SETD2: variants seen among roughly 807,000 people sequenced by gnomAD.
SETD2 encodes the protein SET domain containing 2, histone lysine methyltransferase.
SETD2 carries 31 observed loss-of-function variants against 242.1 expected under a neutral mutation model. That is an observed-to-expected ratio of 0.13 (90% CI 0.10 to 0.17). The LOEUF (loss-of-function observed/expected upper bound fraction) is 0.17. SETD2 is among the 10% of genes least tolerant of loss of function. The pLI, the probability that SETD2 is intolerant of heterozygous loss-of-function variation, is 1.00. For missense variants in SETD2, 2,481 were observed against 3,046.3 expected, an observed-to-expected ratio of 0.81 and a Z score of 4.37; for synonymous variants, 1,006 against 1,066.5, an observed-to-expected ratio of 0.94 and a Z score of 1.11.
In SETD2 at chr3:47,057,241, G is replaced by A. The variant is rs2107576409; in HGVS notation, c.6543C>T (p.Asn2181=). 6.2e-7 allele frequency: 1 copy of A among 1,614,206 alleles called. No homozygotes were observed. Among genetic ancestry groups the A allele is most frequent in the Non-Finnish European group, 8.5e-7 (1 of 1,180,042 alleles). ...YPMQAYVDPS[N]PNAGKVLLPT... Reference sequence around the variant, plus strand: ...GCAGGAGCACCTTTCCAGCATTAGGGTTGCTGGGATCCACATAGGCCTGCA... The same window carrying A: ...GCAGGAGCACCTTTCCAGCATTAGGATTGCTGGGATCCACATAGGCCTGCA... The change falls in exon 15 of 21, where the codon AAC becomes AAT. Residue 2181 remains asparagine (N), a synonymous_variant. Transcript: ENST00000409792.
rs2107589692 is a variant in SETD2 at position 47,062,296 on chromosome 3, G to C, written c.6160C>G (p.Pro2054Ala). The C allele has an allele frequency of 2.5e-6, 4 of 1,613,270 alleles. No homozygotes were observed. The highest frequency in any genetic ancestry group is 3.4e-6 in the Non-Finnish European group (4 of 1,179,778). ...AVGFRDQTPA[P>A]KTPNRSRERD... is the part of the protein sequence containing the mutation. Reference sequence around the variant, plus strand: ...TCTCTTGACCTATTAGGAGTCTTCGGGGCAGGTGTTTGATCTCTGAAGCCA... The same window carrying C: ...TCTCTTGACCTATTAGGAGTCTTCGCGGCAGGTGTTTGATCTCTGAAGCCA... Residue 2054 changes from proline (P) to alanine (A), a missense_variant, in exon 14 of 21, where the codon CCG (proline) becomes GCG (alanine). Physicochemically the swap from Pro to Ala is conservative, Grantham distance 27. Around this residue, in one of 17 missense-constraint regions of SETD2, gnomAD observed 80 missense variants for 102.6 expected, o/e 0.78. Transcript: ENST00000409792.
Position 47,123,401 on chromosome 3 carries a change from C to T in SETD2, c.1235G>A (p.Gly412Asp), listed in dbSNP as rs535540244. ...RSRSHSRSERGSRTNLSYSRS... is the reference protein window; with the variant it reads ...RSRSHSRSERDSRTNLSYSRS... ...GGAATAGGATAAATTAGTTCTAGAG[C>T]CTCTCTCAGACCTAGAGTGAGATCT... The change falls in exon 3 of 21, where the codon GGC (glycine) becomes GAC (aspartate). Residue 412 changes from glycine (G) to aspartate (D), a missense_variant. Physicochemically the swap from Gly to Asp is moderately conservative, Grantham distance 94. Around this residue, in one of 17 missense-constraint regions of SETD2, gnomAD observed 1,300 missense variants for 1,259.2 expected, o/e 1.03. Transcript: ENST00000409792. 1.3e-5 allele frequency: 20 copies of T among 1,551,616 alleles called. No individual in the cohort carries two copies. Among genetic ancestry groups the T allele is most frequent in the Non-Finnish European group, 1.7e-5 (20 of 1,146,978 alleles).
chr3:47,042,129 G>A (rs1005153930), intron 17 of SETD2, among the ~76,000 whole-genome samples: 3 of 152,178 alleles, frequency 2.0e-5, no homozygotes, highest in South Asian at 2.1e-4. Flanking sequence ...AAGGCGGGCA[G>A]GGCAGATCAC....
At chr3:47,109,289 T>C (rs1406319349) in intron 5 of SETD2, among the ~76,000 whole-genome samples, 3 of 152,152 alleles carry the variant, frequency 2.0e-5, no homozygotes, top group Non-Finnish European at 4.4e-5. Context: ...AAAACCTAAG[T>C]GGTGCTTACA....
At chr3:47,035,539 A>G (rs766534206) in intron 18 of SETD2, among the ~76,000 whole-genome samples, 2 of 152,336 alleles carry the variant, frequency 1.3e-5, no homozygotes, top group Non-Finnish European at 2.9e-5. Flanking sequence ...AGGTCTTCAT[A>G]TAAGAAAGGC....
intron 18 of SETD2, among the ~76,000 whole-genome samples, chr3:47,037,209 C>T (rs1261114745): frequency 1.3e-5 from 2 of 150,286 alleles, no homozygotes; most frequent in African/African-American, 4.9e-5. Context: ...ATACATGTGC[C>T]ATGTTGGTGT....
At chr3:47,073,799 G>A (rs1312385232) in intron 12 of SETD2, among the ~76,000 whole-genome samples, 2 of 152,098 alleles carry the variant, frequency 1.3e-5, no homozygotes, top group African/African-American at 4.8e-5. Flanking sequence ...TTCCATTTTT[G>A]CCTATCAGTC....
intron 2 of SETD2, 146 bp from the exon 3 acceptor site, chr3:47,124,694 T>C: frequency 1.5e-6 from 1 of 658,580 alleles, no homozygotes; most frequent in Non-Finnish European, 2.4e-6. Context: ...TATATCTTTA[T>C]TATGAAAATT....
intron 1 of SETD2, among the ~76,000 whole-genome samples, chr3:47,151,822 T>C (rs2043992012): frequency 8.2e-6 from 1 of 122,684 alleles, no homozygotes; most frequent in Non-Finnish European, 1.7e-5. Context: ...CCAAGACTCT[T>C]GTCTCAAAAA....
At chr3:47,113,617 T>C (rs926795439) in intron 5 of SETD2, among the ~76,000 whole-genome samples, 1 of 152,028 alleles carries the variant, frequency 6.6e-6, no homozygotes, top group Non-Finnish European at 1.5e-5. Context: ...GGCGGAAAAC[T>C]TGCGGTCAGA....
At chr3:47,086,041 G>A (rs921051346) in intron 11 of SETD2, among the ~76,000 whole-genome samples, 154 bp downstream of exon 11, 5 of 152,180 alleles carry the variant, frequency 3.3e-5, no homozygotes, top group African/African-American at 7.2e-5. Flanking sequence ...GGTTAGATAC[G>A]TTAAAGGAAT....
rs1428527882 is a variant in SETD2, at chr3:47,122,714, A to G, written c.1922T>C (p.Ile641Thr). The change falls in exon 3 of 21, where the codon ATA (isoleucine) becomes ACA (threonine). Residue 641 changes from isoleucine (I) to threonine (T), a missense_variant. Ile to Thr is a moderately conservative substitution (Grantham distance 89, BLOSUM62 -1). Around this residue, in one of 17 missense-constraint regions of SETD2, gnomAD observed 1,300 missense variants for 1,259.2 expected, o/e 1.03. Coordinates refer to ENST00000409792, the MANE Select transcript of SETD2 (RefSeq NM_014159.7). Reference sequence around the variant, plus strand: ...AATACTATCATGGCTATCATGTGTTATAAATTCGGACTTAAAAATAGGCAA... The same window carrying G: ...AATACTATCATGGCTATCATGTGTTGTAAATTCGGACTTAAAAATAGGCAA... ...DELPIFKSEFITHDSHDSIKE... is the reference protein window; with the variant it reads ...DELPIFKSEFTTHDSHDSIKE... The G allele has an allele frequency of 4.3e-6, 7 of 1,611,510 alleles. No individual in the cohort carries two copies. The highest frequency in any genetic ancestry group is 5.9e-6 in the Non-Finnish European group (7 of 1,179,166).
intron 9 of SETD2, 31 bp downstream of exon 9, chr3:47,097,924 T>C: frequency 6.2e-7 from 1 of 1,608,188 alleles, no homozygotes; most frequent in Non-Finnish European, 8.5e-7. Context: ...AATTTTTTAT[T>C]GTGAAAGTTG....
intron 9 of SETD2, among the ~76,000 whole-genome samples, chr3:47,094,747 T>G (rs1200570720): frequency 1.3e-5 from 2 of 152,238 alleles, no homozygotes. Flanking sequence ...TCTGGGATAT[T>G]CCTCTATCTG....
intron 1 of SETD2, among the ~76,000 whole-genome samples, chr3:47,156,386 T>A (rs753815839): frequency 7.9e-5 from 12 of 152,126 alleles, no homozygotes; most frequent in Non-Finnish European, 1.5e-4. Flanking sequence ...TGATAGATAA[T>A]CTTGTATGTA....
At chr3:47,072,207 C>A (rs895483996) in intron 12 of SETD2, among the ~76,000 whole-genome samples, 4 of 152,174 alleles carry the variant, frequency 2.6e-5, no homozygotes, top group Non-Finnish European at 4.4e-5. Context: ...ACTGGGGAGG[C>A]TGAGGCAGGA....
At chr3:47,085,850 T>G (rs746935631) in intron 11 of SETD2, among the ~76,000 whole-genome samples, 56 of 151,996 alleles carry the variant, frequency 3.7e-4, no homozygotes, top group Non-Finnish European at 6.2e-4. Context: ...GACCCCACAG[T>G]TCAAATTTTA....
In SETD2 at chr3:47,121,722, C is replaced by G. The variant is rs751617319; in HGVS notation, c.2914G>C (p.Glu972Gln). 13 of 1,614,022 alleles carry G rather than the reference C, an allele frequency of 8.1e-6. No individual in the cohort carries two copies. The East Asian group carries it at 2.7e-4, about 33-fold the overall frequency. Residue 972 changes from glutamate (E) to glutamine (Q), a missense_variant, in exon 3 of 21, where the codon GAA (glutamate) becomes CAA (glutamine). Around this residue, in one of 17 missense-constraint regions of SETD2, gnomAD observed 1,300 missense variants for 1,259.2 expected, o/e 1.03. Transcript: ENST00000409792. ...GAGATTTCTGGTCTTCCTCTTCTTT[C>G]AGGCAATATGGAATTCCCTTCTTCT... is the stretch of plus-strand genomic sequence containing the variant. ...AQEEGNSILP[E>Q]RRGRPEISLD...
chr3:47,141,828 C>T (rs1188680476), intron 1 of SETD2, among the ~76,000 whole-genome samples: 1 of 151,880 alleles, frequency 6.6e-6, no homozygotes, highest in African/African-American at 2.4e-5. Context: ...ATAAAAATAG[C>T]CATTGTTTAT....
Sources: gnomAD v4.1 joint callset for allele counts (sites outside exome capture counted in the v4.1 genomes callset) on GRCh38, gnomAD v4.1.1 for gene constraint, gnomAD v4.1.1 regional missense constraint, MANE v1.5 for transcripts, NCBI Gene and HGNC (gene_info 2026-07-23, HGNC 2026-07-21) for gene names.